SI: variants seen among roughly 807,000 people sequenced by gnomAD.
SI encodes the protein sucrase-isomaltase, also known as sucrase-isomaltase, intestinal.
In SI, 235 loss-of-function variants were observed where a neutral mutation model predicts 253.3. That is an observed-to-expected ratio of 0.93 (90% CI 0.83 to 1.03). SI has a LOEUF of 1.03. Among genes scored for constraint, SI ranks in the 50% least tolerant of loss-of-function variants. The pLI, the probability that SI is intolerant of heterozygous loss-of-function variation, is 0.00. For synonymous variants in SI, 819 were observed against 712.0 expected (o/e 1.15, Z -2.39); for missense variants, 2,442 against 2,211.1 (o/e 1.10, Z -2.09).
chr3:165,054,800 T>C (rs1167092764), intron 13 of SI, among the ~76,000 whole-genome samples: 1 of 152,196 alleles, frequency 6.6e-6, no homozygotes, highest in Non-Finnish European at 1.5e-5. Context: ...AGGGGCTTAT[T>C]CAGATCATAT....
In SI at chr3:165,005,079, G is replaced by T. The variant is rs971737590; in HGVS notation, c.4406+1737C>A. Among the ~76,000 whole-genome samples, 5 of 152,128 alleles carry T rather than the reference G, an allele frequency of 3.3e-5. No homozygotes were observed. The East Asian group carries it at 9.7e-4, about 29-fold the overall frequency. On this transcript the variant is annotated intron_variant, in intron 37 of 47. Coordinates refer to ENST00000264382, the MANE Select transcript of SI (RefSeq NM_001041.4). ...TTGCTTCTCCTTCACATTCTGCCAT[G>T]ATTGTATGTTTCCTGAGGACTCTCC... is the stretch of plus-strand genomic sequence containing the variant.
intron 21 of SI, among the ~76,000 whole-genome samples, chr3:165,037,657 T>C (rs1357776983): frequency 6.6e-6 from 1 of 151,822 alleles, no homozygotes; most frequent in Admixed American, 6.6e-5. Context: ...CTAATGTGGG[T>C]AAATTTTTGA....
chr3:165,080,428 T>C (rs1715268966), upstream of SI, among the ~76,000 whole-genome samples: 1 of 152,026 alleles, frequency 6.6e-6, no homozygotes, highest in Non-Finnish European at 1.5e-5. Flanking sequence ...GTGATTTTCA[T>C]GCTGCTAAAA....
rs774967801 is a variant in SI, at chr3:165,039,169, A to T, written c.2245-35T>A. 32 of 1,395,096 alleles carry T rather than the reference A, an allele frequency of 2.3e-5. No homozygotes were observed. In the African/African-American group the frequency reaches 4.2e-4, roughly 18 times the overall value. The allele number at this position is 1,395,096 out of a possible 1,614,324, so 86.4% of individuals were successfully genotyped here. ...AGATAATATGTATTTTTTAATTTCA[A>T]TTTTTAACAAGGAGGATCTTATCAA... On this transcript the variant is annotated intron_variant, in intron 19 of 47. Coordinates refer to ENST00000264382, the MANE Select transcript of SI (RefSeq NM_001041.4).
chr3:165,069,248 C>T, intron 3 of SI, 53 bp from the exon 4 acceptor site: 4 of 1,166,850 alleles, frequency 3.4e-6, no homozygotes, highest in Non-Finnish European at 5.1e-6. Flanking sequence ...ATCAGATGTC[C>T]CAGTCTCTGT....
chr3:165,017,611 T>C lies in SI; in HGVS notation c.3696A>G (p.Gly1232=), dbSNP rs1719099439. ...CCCGAACCTCTGAAGTATTTGCATA[T>C]CCATAACGACATAATTGGAATCCCA... The part of the protein sequence containing the change: ...WALGFQLCRY[G]YANTSEVREL... Residue 1232 remains glycine, a synonymous_variant, in exon 31 of 48, where the codon GGA becomes GGG. Transcript: ENST00000264382. The C allele has an allele frequency of 6.2e-7, 1 of 1,612,596 alleles. No individual in the cohort carries two copies. The highest frequency in any genetic ancestry group is 1.3e-5 in the African/African-American group (1 of 74,824).
At chr3:165,072,471 A>C (rs1244106708) in intron 3 of SI, among the ~76,000 whole-genome samples, 1 of 152,108 alleles carries the variant, frequency 6.6e-6, no homozygotes, top group East Asian at 1.9e-4. Context: ...ATCATATTTG[A>C]AAATTGCAAC....
At chr3:165,006,695 G>C in intron 37 of SI, 121 bp downstream of exon 37, 1 of 814,580 alleles carries the variant, frequency 1.2e-6, no homozygotes, top group Non-Finnish European at 2.0e-6. Context: ...AGAAGTTACA[G>C]AGAACAATTG....
the SI span, among the ~76,000 whole-genome samples, chr3:165,087,885 T>G: frequency 6.6e-6 from 1 of 152,172 alleles, no homozygotes; most frequent in Admixed American, 6.5e-5. Context: ...AAATTTTTGG[T>G]GATGCAATGA....
At chr3:165,022,658 TAAAC>T (rs1711689490) in intron 26 of SI, among the ~76,000 whole-genome samples, 2 of 151,206 alleles carry the variant, frequency 1.3e-5, no homozygotes, top group African/African-American at 4.8e-5. Flanking sequence ...CTCGTTTCAA[TAAAC>T]AACCAGGCAA....
At chr3:165,085,130 C>T in the SI span, among the ~76,000 whole-genome samples, 4 of 152,066 alleles carry the variant, frequency 2.6e-5, no homozygotes, top group Admixed American at 2.0e-4. Context: ...CTCTCTCAAA[C>T]TAATTTTTAA....
rs1393770107 is a variant in SI at position 165,023,864 on chromosome 3, T to C, written c.2893-88A>G. 5 of 877,680 alleles carry C rather than the reference T, an allele frequency of 5.7e-6. No individual in the cohort carries two copies. In the Admixed American group the frequency reaches 5.8e-5, roughly 10 times the overall value. The allele number at this position is 877,680 out of a possible 1,614,324, so 54.4% of individuals were successfully genotyped here. On this transcript the variant is annotated intron_variant, in intron 25 of 47. Coordinates refer to ENST00000264382, the MANE Select transcript of SI (RefSeq NM_001041.4). ...AATTATACTGACGTTTAGTCACACATTGTATGATTTACAAGTTTCATTAAT... is the reference window on the plus strand; with the variant it reads ...AATTATACTGACGTTTAGTCACACACTGTATGATTTACAAGTTTCATTAAT...
intron 25 of SI, among the ~76,000 whole-genome samples, chr3:165,025,520 A>G (rs1178436497): frequency 2.0e-5 from 3 of 151,226 alleles, no homozygotes; most frequent in African/African-American, 7.3e-5. Flanking sequence ...TATTCATCGC[A>G]AAAAGGTCAT....
chr3:165,063,960 C>T (rs1192118597), intron 7 of SI, among the ~76,000 whole-genome samples: 2 of 151,382 alleles, frequency 1.3e-5, no homozygotes, highest in Non-Finnish European at 2.9e-5. Context: ...ATCCCAGCTA[C>T]TCAGGAGGCT....
chr3:165,050,876 A>G (rs887482437), intron 13 of SI, among the ~76,000 whole-genome samples: 2 of 151,920 alleles, frequency 1.3e-5, no homozygotes, highest in African/African-American at 2.4e-5. Context: ...CTCTTATTTC[A>G]GCTTTCAATC....
At position 165,023,818 on chromosome 3, in the gene SI, T is replaced by C. The variant is rs751237424; in HGVS notation, c.2893-42A>G. The C allele has an allele frequency of 2.2e-5, 31 of 1,386,704 alleles. No individual in the cohort carries two copies. In the African/African-American group the frequency reaches 3.9e-4, roughly 17 times the overall value. 85.9% of individuals were successfully genotyped at this position (1,386,704 alleles called of 1,614,324 possible). A position where few individuals can be genotyped will look rare whatever the true frequency, so the allele number is the denominator to read the frequency against. ...TGTTCATTGCCAGAAATTATAAGCC[T>C]TGTAATATTTTACTCTTTAAAATTA... On this transcript the variant is annotated intron_variant, in intron 25 of 47. Coordinates refer to ENST00000264382, the MANE Select transcript of SI (RefSeq NM_001041.4).
chr3:164,983,018 T>C lies in SI; in HGVS notation c.5231A>G (p.Gln1744Arg). Reference protein sequence around the residue: ...TYERDLYLSVQFNLNQTTLTS... With the variant: ...TYERDLYLSVRFNLNQTTLTS... Reference sequence around the variant, plus strand: ...CTTACATACCTGGTTTAAATTAAATTGTACAGATAAATATAGGTCTCTTTC... The same window carrying C: ...CTTACATACCTGGTTTAAATTAAATCGTACAGATAAATATAGGTCTCTTTC... Residue 1744 changes from glutamine to arginine, a missense_variant, in exon 46 of 48, where the codon CAA becomes CGA. Transcript: ENST00000264382. The C allele has an allele frequency of 1.3e-6, 2 of 1,547,792 alleles. No individual in the cohort carries two copies. Among genetic ancestry groups the C allele is most frequent in the Non-Finnish European group, 1.8e-6 (2 of 1,128,514 alleles).
chr3:165,021,966 TAATC>T (rs1412460318), intron 26 of SI, among the ~76,000 whole-genome samples: 2 of 151,668 alleles, frequency 1.3e-5, no homozygotes, highest in African/African-American at 4.8e-5. Flanking sequence ...TTTTCATTGT[TAATC>T]ATTTCATTTC....
chr3:165,022,546 C>G lies in SI; in HGVS notation c.3099+1024G>C, dbSNP rs1318597252. Among the ~76,000 whole-genome samples, 4 of 149,312 alleles carry G rather than the reference C, an allele frequency of 2.7e-5. No individual in the cohort carries two copies. In the South Asian group the frequency reaches 8.5e-4, roughly 32 times the overall value. ...GCTTTTGTGCCATCTCACACACACA[C>G]ACACACACACACACACACACACACA... On this transcript the variant is annotated intron_variant, in intron 26 of 47. Coordinates refer to ENST00000264382, the MANE Select transcript of SI (RefSeq NM_001041.4).
Sources: allele counts gnomAD v4.1 joint callset (sites outside exome capture counted in the v4.1 genomes callset), GRCh38; gene constraint gnomAD v4.1.1; transcripts MANE v1.5; gene names NCBI Gene and HGNC (gene_info 2026-07-23, HGNC 2026-07-21).